The following DLG2 variants were observed in gnomAD, a reference collection of about 807,000 sequenced individuals.
The protein encoded by DLG2 is discs large MAGUK scaffold protein 2, also known as disks large homolog 2.
In DLG2, 45 loss-of-function variants were observed where a neutral mutation model predicts 132.5. That is an observed-to-expected ratio of 0.34 (90% CI 0.27 to 0.44). The LOEUF is 0.44. Among genes scored for constraint, DLG2 ranks in the 20% least tolerant of loss-of-function variants. The pLI is 1.00. For synonymous variants in DLG2, 424 were observed against 419.6 expected (o/e 1.01, Z -0.13); for missense variants, 1,045 against 1,196.9 (o/e 0.87, Z 1.87).
intron 12 of DLG2, among the ~76,000 whole-genome samples, chr11:83,971,205 T>G (rs1381084901): frequency 6.6e-6 from 1 of 151,978 alleles, no homozygotes; most frequent in Admixed American, 6.6e-5. Context: ...AAAAAAATCA[T>G]GTGAATTTGA....
intron 14 of DLG2, among the ~76,000 whole-genome samples, chr11:83,954,386 G>A (rs1262887766): frequency 6.6e-6 from 1 of 152,000 alleles, no homozygotes; most frequent in African/African-American, 2.4e-5. Flanking sequence ...TCTCTTTATT[G>A]TTTATTTACA....
chr11:83,855,926 C>T (rs531569448), intron 16 of DLG2, among the ~76,000 whole-genome samples: 1 of 152,224 alleles, frequency 6.6e-6, no homozygotes, highest in South Asian at 2.1e-4. Flanking sequence ...CAGGTTATGT[C>T]ATTGCCCAGG....
intron 11 of DLG2, among the ~76,000 whole-genome samples, chr11:84,033,244 T>C (rs2154094213): frequency 6.6e-6 from 1 of 152,314 alleles, no homozygotes; most frequent in East Asian, 1.9e-4. Flanking sequence ...CAGATGCCAT[T>C]AGGAAGATTC....
rs544134825 is a variant in DLG2, at chr11:84,909,923, G to A, written c.357+201738C>T. On this transcript the variant is annotated intron_variant, in intron 6 of 27. Transcript: ENST00000376104. ...TGCCTCTGGCCATTTTGGTTTTACA[G>A]GCTCTGCAGATTGTGCTGCACTCCA... 1.1e-3 allele frequency among the ~76,000 whole-genome samples: 162 copies of A among 152,312 alleles called. 1 individual carries two copies. Among genetic ancestry groups the A allele is most frequent in the Non-Finnish European group, 2.1e-3 (146 of 68,026 alleles).
At chr11:84,975,313 T>G (rs2054736180) in intron 6 of DLG2, among the ~76,000 whole-genome samples, 1 of 152,212 alleles carries the variant, frequency 6.6e-6, no homozygotes, top group East Asian at 1.9e-4. Flanking sequence ...GGGGTGATGA[T>G]GCTATAAGTT....
chr11:85,047,711 A>G (rs1020339369), intron 6 of DLG2, among the ~76,000 whole-genome samples: 1 of 151,954 alleles, frequency 6.6e-6, no homozygotes, highest in Non-Finnish European at 1.5e-5. Context: ...TACAGAAATT[A>G]TTTTAAAATA....
At chr11:83,708,343 T>C (rs933536451) in intron 18 of DLG2, among the ~76,000 whole-genome samples, 7 of 152,344 alleles carry the variant, frequency 4.6e-5, no homozygotes, top group Non-Finnish European at 8.8e-5. Flanking sequence ...TGTTTGCTTT[T>C]GGCATGAATT....
chr11:83,517,517 A>C (rs1244277009), intron 21 of DLG2, among the ~76,000 whole-genome samples: 2 of 152,172 alleles, frequency 1.3e-5, no homozygotes, highest in Non-Finnish European at 2.9e-5. Flanking sequence ...TTCTTCTCTC[A>C]ACTCATCGAA....
At chr11:83,995,747 G>A (rs2093988325) in intron 11 of DLG2, among the ~76,000 whole-genome samples, 1 of 152,108 alleles carries the variant, frequency 6.6e-6, no homozygotes, top group African/African-American at 2.4e-5. Context: ...TCAATAAATG[G>A]TGCTGGGGAA....
At chr11:85,003,899 T>C (rs905904547) in intron 6 of DLG2, among the ~76,000 whole-genome samples, 12 of 152,180 alleles carry the variant, frequency 7.9e-5, no homozygotes, top group African/African-American at 2.9e-4. Context: ...GGCTCTGATG[T>C]GTGATGTTCT....
At chr11:84,548,784 C>T (rs2099395944) in intron 6 of DLG2, among the ~76,000 whole-genome samples, 1 of 152,050 alleles carries the variant, frequency 6.6e-6, no homozygotes. Flanking sequence ...CATCTAAACC[C>T]CAGGTCAGCA....
At chr11:84,746,251 GA>G (rs369130410) in intron 6 of DLG2, among the ~76,000 whole-genome samples, 2,369 of 90,966 alleles carry the variant, frequency 0.026, 68 homozygotes, top group African/African-American at 0.082. Context: ...GATATGAAAA[GA>G]AAAAAAAAAA....
Position 85,453,473 on chromosome 11 carries a change from T to C in DLG2, c.40+145184A>G, listed in dbSNP as rs146240922. ...GTTTCCAGCAAAATTTCGGTGGATA[T>C]ATCCCACTTTCCTTCATCAATGAAA... On this transcript the variant is annotated intron_variant, in intron 3 of 27. Transcript: ENST00000376104. The C allele has an allele frequency of 4.0e-3, 628 of 157,222 alleles. 3 individuals are homozygous for C. The highest frequency in any genetic ancestry group is 5.9e-3 in the Non-Finnish European group (417 of 70,766). 9.7% of individuals were successfully genotyped at this position (157,222 alleles called of 1,614,324 possible).
chr11:85,397,649 C>T (rs1465849261), intron 3 of DLG2, among the ~76,000 whole-genome samples: 1 of 152,022 alleles, frequency 6.6e-6, no homozygotes, highest in Non-Finnish European at 1.5e-5. Flanking sequence ...ATAAAACAGA[C>T]TTTAAACCAA....
intron 6 of DLG2, among the ~76,000 whole-genome samples, chr11:85,017,653 A>G (rs2059683541): frequency 6.6e-6 from 1 of 152,222 alleles, no homozygotes; most frequent in Non-Finnish European, 1.5e-5. Flanking sequence ...GATTAATTTT[A>G]CTATTCCAGT....
At chr11:83,772,676 G>A (rs1402389196) in intron 18 of DLG2, among the ~76,000 whole-genome samples, 1 of 152,168 alleles carries the variant, frequency 6.6e-6, no homozygotes, top group African/African-American at 2.4e-5. Flanking sequence ...AATATCTTTA[G>A]GCATGAAGAG....
At position 85,444,720 on chromosome 11, in the gene DLG2, C is replaced by CTGGTGGGA. The variant is rs531132102; in HGVS notation, c.40+153936_40+153937insTCCCACCA. ...AGACAGCTGGTGGGAAGGAACACAG[C>CTGGTGGGA]AGCTACCTGTTATAGGCTTCTGTCT... On this transcript the variant is annotated intron_variant, in intron 3 of 27. Coordinates refer to ENST00000376104, the MANE Select transcript of DLG2 (RefSeq NM_001142699.3). 5.2e-3 allele frequency among the ~76,000 whole-genome samples: 786 copies of CTGGTGGGA among 152,342 alleles called. 4 individuals carry two copies. Among genetic ancestry groups the CTGGTGGGA allele is most frequent in the Non-Finnish European group, 8.3e-3 (565 of 68,022 alleles).
At chr11:85,416,658 G>C (rs150805362) in intron 3 of DLG2, among the ~76,000 whole-genome samples, 1 of 151,856 alleles carries the variant, frequency 6.6e-6, no homozygotes, top group South Asian at 2.1e-4. Context: ...GGTCCTTCCC[G>C]TCCCTTGTAA....
In DLG2 at chr11:83,457,595, C is replaced by T. The variant is rs1006611900; in HGVS notation, c.*2223G>A. ...AATGGAAAGCACATCACACGACCCG[C>T]GAAAACATCTACTCATTAATGACAG... On this transcript the variant is annotated 3_prime_UTR_variant, in exon 28 of 28. Coordinates refer to ENST00000376104, the MANE Select transcript of DLG2 (RefSeq NM_001142699.3). The T allele has an allele frequency of 3.3e-5, 5 of 152,476 alleles. No homozygotes were observed. The highest frequency in any genetic ancestry group is 3.2e-3 in the Middle Eastern group (1 of 316). The allele number at this position is 152,476 out of a possible 1,614,324, so 9.4% of individuals were successfully genotyped here. A position where few individuals can be genotyped will look rare whatever the true frequency, so the allele number is the denominator to read the frequency against.
Sources: allele counts gnomAD v4.1 joint callset (sites outside exome capture counted in the v4.1 genomes callset), GRCh38; gene constraint gnomAD v4.1.1; transcripts MANE v1.5; gene names NCBI Gene and HGNC (gene_info 2026-07-23, HGNC 2026-07-21).